OSBPL1A: variants seen among roughly 807,000 people sequenced by gnomAD.
The protein encoded by OSBPL1A is oxysterol binding protein like 1A.
A neutral mutation model predicts 137.1 loss-of-function variants in OSBPL1A; 80 were observed. That is an observed-to-expected ratio of 0.58 (90% CI 0.49 to 0.70). The LOEUF (loss-of-function observed/expected upper bound fraction) is 0.70. OSBPL1A is among the 30% of genes least tolerant of loss of function. The pLI is 0.00. For missense variants in OSBPL1A, 970 were observed against 1,129.4 expected, an observed-to-expected ratio of 0.86 and a Z score of 2.02; for synonymous variants, 365 against 389.7, an observed-to-expected ratio of 0.94 and a Z score of 0.75.
chr18:24,272,697 G>A (rs45493693), intron 15 of OSBPL1A, among the ~76,000 whole-genome samples: 41,773 of 152,016 alleles, frequency 0.27, 7,053 homozygotes, highest in Middle Eastern at 0.41. Context: ...ATACTTTAGT[G>A]AGTTCAGAGT....
chr18:24,354,091 AAAC>A (rs1191765528), intron 4 of OSBPL1A, among the ~76,000 whole-genome samples: 1 of 152,128 alleles, frequency 6.6e-6, no homozygotes, highest in East Asian at 1.9e-4. Flanking sequence ...AAAAAAAGAA[AAAC>A]AACAATTAGT....
chr18:24,210,958 CTTTTT>C (rs57835662), intron 17 of OSBPL1A, among the ~76,000 whole-genome samples: 1 of 150,634 alleles, frequency 6.6e-6, no homozygotes, highest in Non-Finnish European at 1.5e-5. Context: ...ACCCAAATAA[CTTTTT>C]TTTTTTGTTT....
rs1301852341 is a variant in OSBPL1A, at chr18:24,175,139, C to CATATAT, written c.2094-2662_2094-2657dup. ...ATATATATATATATATATATATACA[C>CATATAT]ATATATATATATATATGAAGTATCT... On this transcript the variant is annotated intron_variant, in intron 21 of 27. Transcript: ENST00000319481. Among the ~76,000 whole-genome samples the CATATAT allele has an allele frequency of 5.5e-4, 66 of 119,812 alleles. 2 individuals carry two copies. Among genetic ancestry groups the CATATAT allele is most frequent in the African/African-American group, 2.7e-3 (61 of 23,004 alleles). The allele number at this position is 119,812 out of a possible 152,430, so 78.6% of individuals were successfully genotyped here.
rs1298116153 is a variant in OSBPL1A at position 24,239,349 on chromosome 18, T to C, written c.1315A>G (p.Lys439Glu). Residue 439 changes from lysine to glutamate, a missense_variant, in exon 16 of 28, where the codon AAA becomes GAA. Lys to Glu is a moderately conservative substitution (Grantham distance 56). This residue lies in a region of OSBPL1A where 647 missense variants were observed against 672.6 expected (regional missense o/e 0.96). Transcript: ENST00000319481. ...RNFKLEQEQEKNKILSEALET... is the reference protein window; with the variant it reads ...RNFKLEQEQEENKILSEALET... ...AGTGCTTCTGACAAGATTTTGTTTT[T>C]TTCTTGCTCTTGTTCCAATTTAAAA... is the stretch of plus-strand genomic sequence containing the variant. 1 of 1,613,946 alleles carries C rather than the reference T, an allele frequency of 6.2e-7. No homozygotes were observed. Among genetic ancestry groups the C allele is most frequent in the Non-Finnish European group, 8.5e-7 (1 of 1,179,976 alleles).
At chr18:24,370,251 T>G (rs1186363503) in intron 2 of OSBPL1A, among the ~76,000 whole-genome samples, 2 of 152,130 alleles carry the variant, frequency 1.3e-5, no homozygotes, top group Non-Finnish European at 2.9e-5. Context: ...ACTACTGCCT[T>G]TAGTTGATGA....
intron 7 of OSBPL1A, among the ~76,000 whole-genome samples, chr18:24,326,493 A>G (rs565442862): frequency 1.1e-4 from 17 of 152,380 alleles, no homozygotes; most frequent in Non-Finnish European, 2.2e-4. Flanking sequence ...CTGAAATGTA[A>G]CATTGAGGTT....
At chr18:24,265,094 G>A (rs991156976) in intron 15 of OSBPL1A, among the ~76,000 whole-genome samples, 1 of 152,098 alleles carries the variant, frequency 6.6e-6, no homozygotes, top group Non-Finnish European at 1.5e-5. Flanking sequence ...ATCTAATACC[G>A]ATTCTGAGAC....
intron 15 of OSBPL1A, among the ~76,000 whole-genome samples, chr18:24,243,400 T>C (rs1176807248): frequency 6.6e-6 from 1 of 152,182 alleles, no homozygotes; most frequent in East Asian, 1.9e-4. Flanking sequence ...CTTTTTAGCT[T>C]TTCCAATATC....
At chr18:24,289,367 G>A (rs1362645816) in intron 14 of OSBPL1A, among the ~76,000 whole-genome samples, 2 of 150,060 alleles carry the variant, frequency 1.3e-5, no homozygotes, top group African/African-American at 4.9e-5. Context: ...ATGTTCAGGG[G>A]TCAACACTGA....
intron 27 of OSBPL1A, 98 bp downstream of exon 27, chr18:24,164,967 G>A (rs1340030836): frequency 6.7e-6 from 8 of 1,194,844 alleles, no homozygotes; most frequent in Non-Finnish European, 7.2e-6. Flanking sequence ...TGTTAGATAG[G>A]CCCTTGCTCT....
chr18:24,317,044 C>A (rs1019559242), intron 11 of OSBPL1A, 105 bp downstream of exon 11: 1 of 1,173,370 alleles, frequency 8.5e-7, no homozygotes, highest in African/African-American at 1.5e-5. Flanking sequence ...CTACAGCATT[C>A]CACAGAACCC....
intron 15 of OSBPL1A, among the ~76,000 whole-genome samples, chr18:24,246,792 C>CA (rs56268385): frequency 1.0e-3 from 85 of 85,018 alleles, no homozygotes; most frequent in African/African-American, 1.9e-3. Flanking sequence ...CTCTGTCTCC[C>CA]AAAAAAAAAA....
chr18:24,280,230 C>T (rs1842998312), intron 15 of OSBPL1A, among the ~76,000 whole-genome samples: 1 of 152,198 alleles, frequency 6.6e-6, no homozygotes, highest in Non-Finnish European at 1.5e-5. Context: ...TAGGCGTGAG[C>T]CACCACGCCT....
chr18:24,313,379 TG>T (rs2090661159), intron 12 of OSBPL1A, among the ~76,000 whole-genome samples: 1 of 149,564 alleles, frequency 6.7e-6, no homozygotes, highest in African/African-American at 2.5e-5. Flanking sequence ...AGGCAGAGGT[TG>T]CAATGAGCCT....
intron 15 of OSBPL1A, among the ~76,000 whole-genome samples, chr18:24,257,916 C>T (rs1024060547): frequency 2.6e-5 from 4 of 152,132 alleles, no homozygotes; most frequent in African/African-American, 9.7e-5. Flanking sequence ...AATCAAACTA[C>T]GATGAGGTAT....
chr18:24,193,559 G>A (rs941066742), intron 18 of OSBPL1A, among the ~76,000 whole-genome samples: 1 of 151,568 alleles, frequency 6.6e-6, no homozygotes. Flanking sequence ...CTTTACTGTC[G>A]CTTAGTGCTT....
chr18:24,224,419 G>A (rs1175588713), intron 17 of OSBPL1A, among the ~76,000 whole-genome samples: 4 of 152,122 alleles, frequency 2.6e-5, no homozygotes, highest in Non-Finnish European at 4.4e-5. Flanking sequence ...ACACTAGCAT[G>A]CATATACACC....
intron 14 of OSBPL1A, among the ~76,000 whole-genome samples, chr18:24,294,675 G>A (rs763863115): frequency 2.0e-5 from 3 of 152,112 alleles, no homozygotes; most frequent in Non-Finnish European, 4.4e-5. Flanking sequence ...CCATTCCTGA[G>A]TTTCTAAGTA....
intron 18 of OSBPL1A, among the ~76,000 whole-genome samples, chr18:24,186,440 G>A (rs2086747886): frequency 6.6e-6 from 1 of 152,078 alleles, no homozygotes; most frequent in Non-Finnish European, 1.5e-5. Flanking sequence ...TGTTAAATAT[G>A]TTTTTATAAA....
Sources: gnomAD v4.1 joint callset for allele counts (sites outside exome capture counted in the v4.1 genomes callset) on GRCh38, gnomAD v4.1.1 for gene constraint, gnomAD v4.1.1 regional missense constraint, MANE v1.5 for transcripts, NCBI Gene and HGNC (gene_info 2026-07-23, HGNC 2026-07-21) for gene names.